The following MRTFA variants were observed in gnomAD, a reference collection of about 807,000 sequenced individuals.
MRTFA encodes myocardin-related transcription factor A.
MRTFA carries 20 observed loss-of-function variants against 83.5 expected under a neutral mutation model. The ratio of observed to expected loss-of-function variants is 0.24; its 90% CI spans 0.17 to 0.35. The LOEUF is 0.35. Ranked by LOEUF, MRTFA falls within the 10% of genes least tolerant of loss-of-function variation. The pLI, the probability that MRTFA is intolerant of heterozygous loss-of-function variation, is 1.00. For missense variants in MRTFA, 1,200 were observed against 1,224.7 expected (o/e 0.98, Z 0.30); for synonymous variants, 659 against 541.2 (o/e 1.22, Z -3.02).
intron 3 of MRTFA, among the ~76,000 whole-genome samples, chr22:40,489,363 T>G (rs2054231079): frequency 6.6e-6 from 1 of 152,058 alleles, no homozygotes; most frequent in Admixed American, 6.6e-5. Context: ...TTTTTTTTTT[T>G]TATGGAGACG....
intron 3 of MRTFA, chr22:40,519,510 AT>A: frequency 7.4e-7 from 1 of 1,349,200 alleles, no homozygotes; most frequent in Non-Finnish European, 9.8e-7. Context: ...TTCAGGAGTC[AT>A]TTTAACTCCA....
At chr22:40,415,086 A>T (rs975920809) in intron 14 of MRTFA, 4 of 152,324 alleles carry the variant, frequency 2.6e-5, no homozygotes, top group Non-Finnish European at 4.4e-5. Flanking sequence ...GCCACTTTTC[A>T]GTGTCCCTTT....
chr22:40,580,526 T>C (rs1477076810), intron 2 of MRTFA, among the ~76,000 whole-genome samples: 1 of 152,158 alleles, frequency 6.6e-6, no homozygotes, highest in African/African-American at 2.4e-5. Flanking sequence ...ATTATGAAAG[T>C]TTATTTAAAA....
intron 1 of MRTFA, among the ~76,000 whole-genome samples, chr22:40,620,560 C>T (rs953966081): frequency 2.0e-5 from 3 of 151,610 alleles, no homozygotes; most frequent in African/African-American, 7.3e-5. Flanking sequence ...AGGTATGAGC[C>T]ACTGCACCCA....
intron 1 of MRTFA, among the ~76,000 whole-genome samples, chr22:40,595,829 A>G (rs1011612612): frequency 2.0e-5 from 3 of 151,152 alleles, no homozygotes; most frequent in Admixed American, 6.6e-5. Context: ...GAACAAAGAC[A>G]TAACAGAGAC....
At chr22:40,618,055 G>A (rs536291344) in intron 1 of MRTFA, among the ~76,000 whole-genome samples, 1 of 151,306 alleles carries the variant, frequency 6.6e-6, no homozygotes, top group South Asian at 2.1e-4. Flanking sequence ...GGAATGCCAG[G>A]GATTGAGGAG....
intron 1 of MRTFA, 30 bp downstream of exon 1, chr22:40,636,448 G>A (rs1446891676): frequency 6.6e-6 from 1 of 152,250 alleles, no homozygotes; most frequent in Non-Finnish European, 1.5e-5. Flanking sequence ...CGCGGTGGGG[G>A]AGGGGTCCCC....
chr22:40,552,475 A>G (rs751349841), intron 2 of MRTFA, 108 bp from the exon 3 acceptor site: 4 of 389,470 alleles, frequency 1.0e-5, no homozygotes, highest in Admixed American at 4.5e-5. Flanking sequence ...TAACTCACAC[A>G]TATCATGGGA....
chr22:40,625,140 C>T (rs1301953279), intron 1 of MRTFA, among the ~76,000 whole-genome samples: 6 of 152,000 alleles, frequency 3.9e-5, no homozygotes, highest in Non-Finnish European at 5.9e-5. Flanking sequence ...AACATCTGAA[C>T]GGAAAGGAAG....
At chr22:40,585,081 T>C (rs1342128633) in intron 2 of MRTFA, among the ~76,000 whole-genome samples, 2 of 152,086 alleles carry the variant, frequency 1.3e-5, no homozygotes, top group Non-Finnish European at 2.9e-5. Context: ...TCTCCTCATA[T>C]TCACTTACCA....
At chr22:40,534,884 T>C (rs1048128397) in intron 3 of MRTFA, among the ~76,000 whole-genome samples, 1 of 152,264 alleles carries the variant, frequency 6.6e-6, no homozygotes, top group Non-Finnish European at 1.5e-5. Flanking sequence ...AGTAAACAAA[T>C]GGTAAATAAA....
chr22:40,627,772 A>G (rs1300948848), intron 1 of MRTFA, among the ~76,000 whole-genome samples: 1 of 152,172 alleles, frequency 6.6e-6, no homozygotes, highest in Non-Finnish European at 1.5e-5. Context: ...TGAGGGCAAG[A>G]GTTCAAGATC....
At chr22:40,412,065 T>C (rs927509470) in intron 14 of MRTFA, 158 bp from the exon 15 acceptor site, 3 of 528,128 alleles carry the variant, frequency 5.7e-6, no homozygotes, top group Admixed American at 4.1e-5. Flanking sequence ...TAAAACTCTT[T>C]AAAAATATTT....
At chr22:40,462,665 T>C (rs1020557858) in intron 4 of MRTFA, among the ~76,000 whole-genome samples, 1 of 152,202 alleles carries the variant, frequency 6.6e-6, no homozygotes, top group South Asian at 2.1e-4. Context: ...CCCTAAGGGA[T>C]GGACTTCTGC....
chr22:40,585,887 A>G (rs909497463), intron 2 of MRTFA, among the ~76,000 whole-genome samples: 2 of 152,250 alleles, frequency 1.3e-5, no homozygotes, highest in Non-Finnish European at 2.9e-5. Flanking sequence ...CATAATACAC[A>G]GGTCACAGAA....
At chr22:40,424,139 G>A in intron 8 of MRTFA, 67 bp downstream of exon 8, 1 of 1,464,524 alleles carries the variant, frequency 6.8e-7, no homozygotes. Context: ...TGGCCCAGGA[G>A]AGAGACCTTA....
chr22:40,636,461 C>G lies in MRTFA; in HGVS notation c.-84+17G>C, dbSNP rs944737598. 1 of 152,220 alleles carries G rather than the reference C, an allele frequency of 6.6e-6. No individual in the cohort carries two copies. The highest frequency in any genetic ancestry group is 2.4e-5 in the African/African-American group (1 of 41,436). 9.4% of individuals were successfully genotyped at this position (152,220 alleles called of 1,614,324 possible). A position where few individuals can be genotyped will look rare whatever the true frequency, so the allele number is the denominator to read the frequency against. ...GCCGCGGTGGGGGAGGGGTCCCCAA[C>G]CCGGACTCTCACTCACCGCCTCGCG... On this transcript the variant is annotated intron_variant, in intron 1 of 14. Coordinates refer to ENST00000355630, the MANE Select transcript of MRTFA (RefSeq NM_020831.6).
intron 1 of MRTFA, among the ~76,000 whole-genome samples, chr22:40,610,729 A>C (rs1228019489): frequency 6.6e-6 from 1 of 152,172 alleles, no homozygotes; most frequent in Non-Finnish European, 1.5e-5. Context: ...TATTAGATAC[A>C]TAAGAAAGAA....
chr22:40,547,894 G>C (rs1247867141), intron 3 of MRTFA, among the ~76,000 whole-genome samples: 1 of 150,742 alleles, frequency 6.6e-6, no homozygotes, highest in African/African-American at 2.4e-5. Flanking sequence ...ATGTCAGAGA[G>C]AATACCAAGG....
Sources: gnomAD v4.1 joint callset for allele counts (sites outside exome capture counted in the v4.1 genomes callset) on GRCh38, gnomAD v4.1.1 for gene constraint, MANE v1.5 for transcripts, NCBI Gene and HGNC (gene_info 2026-07-23, HGNC 2026-07-21) for gene names.